Variants in RBFOX1 observed in about 807,000 individuals in gnomAD.
The protein encoded by RBFOX1 is RNA binding fox-1 homolog 1.
A neutral mutation model predicts 57.7 loss-of-function variants in RBFOX1; 8 were observed. That is an observed-to-expected ratio of 0.14 (90% CI 0.08 to 0.25). The LOEUF (loss-of-function observed/expected upper bound fraction) is 0.25. Among genes scored for constraint, RBFOX1 ranks in the 10% least tolerant of loss-of-function variants. RBFOX1 has a pLI of 1.00. For synonymous variants in RBFOX1, 326 were observed against 222.4 expected (o/e 1.47, Z -4.15); for missense variants, 611 against 548.5 (o/e 1.11, Z -1.14).
intron 4 of RBFOX1, among the ~76,000 whole-genome samples, chr16:7,441,841 C>G (rs886953138): frequency 2.6e-5 from 4 of 152,148 alleles, no homozygotes; most frequent in African/African-American, 9.7e-5. Flanking sequence ...GCCTGCTTCA[C>G]GATCCACTGG....
intron 2 of RBFOX1, among the ~76,000 whole-genome samples, chr16:6,532,146 C>G (rs1394514803): frequency 6.6e-6 from 1 of 152,128 alleles, no homozygotes; most frequent in African/African-American, 2.4e-5. Flanking sequence ...TGAGCTCACC[C>G]TGGCTGGGAG....
intron 4 of RBFOX1, among the ~76,000 whole-genome samples, chr16:7,208,923 C>A (rs2090543040): frequency 6.6e-6 from 1 of 152,022 alleles, no homozygotes; most frequent in African/African-American, 2.4e-5. Context: ...CTATTCCCTT[C>A]CTGGCGGGCA....
intron 6 of RBFOX1, among the ~76,000 whole-genome samples, chr16:7,581,665 C>A (rs1159280486): frequency 6.6e-6 from 1 of 151,990 alleles, no homozygotes; most frequent in Non-Finnish European, 1.5e-5. Context: ...CAAGATCTTG[C>A]CAAAAAATTG....
intron 2 of RBFOX1, among the ~76,000 whole-genome samples, chr16:6,561,378 C>T (rs1003912872): frequency 1.3e-5 from 2 of 152,202 alleles, no homozygotes; most frequent in East Asian, 1.9e-4. Flanking sequence ...AGAACTGTTA[C>T]AGTCTAGTAA....
intron 3 of RBFOX1, among the ~76,000 whole-genome samples, chr16:6,926,637 A>G (rs9928339): frequency 3.3e-5 from 5 of 152,146 alleles, no homozygotes; most frequent in African/African-American, 1.2e-4. Context: ...AAGGTGTAGA[A>G]GACACAGCTT....
rs536598203 is a variant in RBFOX1, at chr16:5,751,151, C to A, written c.319-116152C>A. Among the ~76,000 whole-genome samples the A allele has an allele frequency of 4.7e-4, 72 of 152,250 alleles. 2 individuals carry two copies. The South Asian group carries it at 0.014, about 29-fold the overall frequency. ...AGCCATCGTGCCTTGCCAAGAAATT[C>A]TGCTTTCTGTTCAATCCAGACAGTT... On this transcript the variant is annotated intron_variant, in intron 3 of 19. Coordinates refer to the RBFOX1 transcript ENST00000641259.
chr16:6,763,695 A>T (rs992986464), intron 3 of RBFOX1, among the ~76,000 whole-genome samples: 1 of 152,152 alleles, frequency 6.6e-6, no homozygotes, highest in African/African-American at 2.4e-5. Flanking sequence ...TTACGTTTTT[A>T]TTAGAATGTT....
At chr16:6,811,695 G>C (rs1010977711) in intron 3 of RBFOX1, among the ~76,000 whole-genome samples, 7 of 152,116 alleles carry the variant, frequency 4.6e-5, no homozygotes, top group Non-Finnish European at 8.8e-5. Flanking sequence ...TTTAAGACTA[G>C]CCTGGCCAAT....
At chr16:6,433,115 G>T (rs1007296268) in intron 2 of RBFOX1, among the ~76,000 whole-genome samples, 35 of 152,228 alleles carry the variant, frequency 2.3e-4, no homozygotes, top group Admixed American at 2.3e-3. Flanking sequence ...TCAGATGGAA[G>T]CCATTGCAGC....
intron 4 of RBFOX1, among the ~76,000 whole-genome samples, chr16:7,223,708 T>A (rs1243200855): frequency 8.7e-6 from 1 of 115,296 alleles, no homozygotes; most frequent in Admixed American, 9.7e-5. Flanking sequence ...CCGTCAGTGT[T>A]TCAGAAAAAA....
At chr16:6,341,498 G>T (rs1294828488) in intron 2 of RBFOX1, among the ~76,000 whole-genome samples, 2 of 152,116 alleles carry the variant, frequency 1.3e-5, no homozygotes, top group Non-Finnish European at 2.9e-5. Context: ...ACAGACCCAG[G>T]CTCAGAATGT....
Position 6,613,036 on chromosome 16 carries a change from TGTGTGTGA to T in RBFOX1, c.-63-41559_-63-41552del, listed in dbSNP as rs760616173. ...GTGTGTGTGTGTGTGTGTGTGTGTG[TGTGTGTGA>T]GTGTGTGTGTGTGTTTTGGAATTCA... On this transcript the variant is annotated intron_variant, in intron 2 of 15. Coordinates refer to ENST00000550418, the MANE Select transcript of RBFOX1 (RefSeq NM_018723.4). Among the ~76,000 whole-genome samples the T allele has an allele frequency of 5.7e-4, 69 of 121,520 alleles. 1 individual carries two copies. In the South Asian group the frequency reaches 0.011, roughly 20 times the overall value. 79.7% of individuals were successfully genotyped at this position (121,520 alleles called of 152,430 possible).
intron 1 of RBFOX1, among the ~76,000 whole-genome samples, chr16:6,085,257 C>T (rs1290759044): frequency 6.6e-6 from 1 of 152,112 alleles, no homozygotes; most frequent in Non-Finnish European, 1.5e-5. Context: ...GGCTTACACC[C>T]AGCTTTCTTT....
chr16:7,111,707 G>A (rs2064811564), intron 4 of RBFOX1, among the ~76,000 whole-genome samples: 1 of 151,918 alleles, frequency 6.6e-6, no homozygotes, highest in Non-Finnish European at 1.5e-5. Flanking sequence ...GATGAGGTTA[G>A]TCTGAAAGGA....
At chr16:6,557,522 A>C (rs2097122567) in intron 2 of RBFOX1, among the ~76,000 whole-genome samples, 1 of 134,462 alleles carries the variant, frequency 7.4e-6, no homozygotes, top group African/African-American at 3.5e-5. Flanking sequence ...ATATGGAATT[A>C]CTAAAAGTTG....
intron 1 of RBFOX1, among the ~76,000 whole-genome samples, chr16:5,292,875 G>A (rs538414705): frequency 1.4e-3 from 214 of 152,048 alleles, no homozygotes; most frequent in East Asian, 2.9e-3. Flanking sequence ...CATCCACCTC[G>A]GCCTCCCAAA....
At chr16:6,504,287 T>C (rs868627275) in intron 2 of RBFOX1, among the ~76,000 whole-genome samples, 1 of 152,192 alleles carries the variant, frequency 6.6e-6, no homozygotes, top group Non-Finnish European at 1.5e-5. Context: ...ATCTATTTGC[T>C]TTGGATTAAA....
At chr16:6,539,165 C>T (rs1283654705) in intron 2 of RBFOX1, among the ~76,000 whole-genome samples, 2 of 151,642 alleles carry the variant, frequency 1.3e-5, no homozygotes, top group African/African-American at 4.8e-5. Context: ...GACTGTTCTT[C>T]TCCTTGGCGG....
At chr16:7,440,436 T>G (rs1176243094) in intron 4 of RBFOX1, among the ~76,000 whole-genome samples, 2 of 152,128 alleles carry the variant, frequency 1.3e-5, no homozygotes, top group Non-Finnish European at 2.9e-5. Context: ...TATGTCCCTT[T>G]GTATGTCCAC....
Sources: gnomAD v4.1 joint callset for allele counts (sites outside exome capture counted in the v4.1 genomes callset) on GRCh38, gnomAD v4.1.1 for gene constraint, MANE v1.5 for transcripts, NCBI Gene and HGNC (gene_info 2026-07-23, HGNC 2026-07-21) for gene names.